LIPJ: variants seen among roughly 807,000 people sequenced by gnomAD.
LIPJ encodes lipase member J.
LIPJ carries 33 observed loss-of-function variants against 39.8 expected under a neutral mutation model. The ratio of observed to expected loss-of-function variants is 0.83; its 90% CI spans 0.63 to 1.11. LIPJ has a LOEUF of 1.11. Among genes scored for constraint, LIPJ ranks in the 50% least tolerant of loss-of-function variants. The pLI is 0.00. For synonymous variants in LIPJ, 128 were observed against 139.2 expected (o/e 0.92, Z 0.57); for missense variants, 422 against 427.9 (o/e 0.99, Z 0.12).
chr10:88,601,093 C>A (rs1350379711), intron 8 of LIPJ, among the ~76,000 whole-genome samples: 1 of 151,936 alleles, frequency 6.6e-6, no homozygotes, highest in Non-Finnish European at 1.5e-5. Context: ...AGACTACCGA[C>A]ACACGCCACC....
At chr10:88,586,603 C>A (rs1708170086), upstream of LIPJ, 1 of 152,090 alleles carries the variant, frequency 6.6e-6, no homozygotes, top group Non-Finnish European at 1.5e-5. Context: ...GCTTTATTTT[C>A]TTCATCTCAA....
At chr10:88,585,242 C>G (rs1480062084), upstream of LIPJ, among the ~76,000 whole-genome samples, 2 of 152,198 alleles carry the variant, frequency 1.3e-5, no homozygotes, top group Non-Finnish European at 2.9e-5. Flanking sequence ...CAAGGGCAGG[C>G]CTTCATGGTC....
At chr10:88,606,136 T>C (rs1851658403) in intron 10 of LIPJ, among the ~76,000 whole-genome samples, 1 of 152,164 alleles carries the variant, frequency 6.6e-6, no homozygotes, top group African/African-American at 2.4e-5. Flanking sequence ...GTAAAAATTG[T>C]ATAAGGACAA....
chr10:88,612,384 C>T, the LIPJ span, among the ~76,000 whole-genome samples: 3 of 151,854 alleles, frequency 2.0e-5, no homozygotes. Context: ...CATTTACATT[C>T]ATAACATTGA....
Position 88,590,677 on chromosome 10 carries a change from C to A in LIPJ, c.-11C>A. ...TTTCAAAATTAAAGATCTGTGAAACCTGAAGCAGATATGAATATTGTAAGT... is the reference window on the plus strand; with the variant it reads ...TTTCAAAATTAAAGATCTGTGAAACATGAAGCAGATATGAATATTGTAAGT... On this transcript the variant is annotated 5_prime_UTR_variant, in exon 3 of 11. It adds an upstream start codon to the 5' untranslated region. Coordinates refer to ENST00000371939, the Ensembl canonical transcript of LIPJ. The A allele has an allele frequency of 6.3e-7, 1 of 1,588,348 alleles. No homozygotes were observed. Among genetic ancestry groups the A allele is most frequent in the Non-Finnish European group, 8.6e-7 (1 of 1,158,966 alleles).
chr10:88,585,529 C>T (rs1850880148), upstream of LIPJ: 1 of 152,130 alleles, frequency 6.6e-6, no homozygotes, highest in Non-Finnish European at 1.5e-5. Context: ...ATGGTAAGGT[C>T]GGAACTTTCT....
At chr10:88,608,817 A>C (rs556874667), downstream of LIPJ, among the ~76,000 whole-genome samples, 3 of 152,146 alleles carry the variant, frequency 2.0e-5, no homozygotes, top group African/African-American at 4.8e-5. Context: ...TGGAAAAAAA[A>C]CTCCAACTCT....
chr10:88,596,301 T>C lies in LIPJ; in HGVS notation c.461T>C (p.Ile154Thr), dbSNP rs1851254020. The C allele has an allele frequency of 2.7e-6, 4 of 1,498,666 alleles. No homozygotes were observed. The East Asian group carries it at 7.2e-5, about 27-fold the overall frequency. 92.8% of individuals were successfully genotyped at this position (1,498,666 alleles called of 1,614,324 possible). Residue 154 changes from isoleucine to threonine, a missense_variant, in exon 7 of 11, where the codon ATA (isoleucine) becomes ACA (threonine). Ile to Thr is a moderately conservative substitution (Grantham distance 89). Transcript: ENST00000371939. ...TTAGGTTTCATAACATTTTCTACTA[T>C]ATCAAAGATAGCTGAAAGAATCAAA... is the stretch of plus-strand genomic sequence containing the variant.
the LIPJ span, among the ~76,000 whole-genome samples, chr10:88,616,736 T>C: frequency 2.0e-5 from 3 of 152,178 alleles, no homozygotes; most frequent in Non-Finnish European, 2.9e-5. Flanking sequence ...GGCTGCCTGC[T>C]CTCTGGCCTG....
exon 5 of LIPJ, chr10:88,594,076 C>G (rs41298235): frequency 6.2e-7 from 1 of 1,612,118 alleles, no homozygotes; most frequent in Middle Eastern, 1.7e-4. Flanking sequence ...TGGGAAATAG[C>G]AGAGGAAATA....
chr10:88,610,680 A>T (rs549298818), downstream of LIPJ, among the ~76,000 whole-genome samples: 8 of 152,332 alleles, frequency 5.3e-5, no homozygotes, highest in South Asian at 2.1e-4. Flanking sequence ...GTATTAGCAT[A>T]AAAAGATGTC....
intron 6 of LIPJ, among the ~76,000 whole-genome samples, chr10:88,595,932 T>G (rs1851238650): frequency 6.6e-6 from 1 of 151,592 alleles, no homozygotes; most frequent in African/African-American, 2.4e-5. Context: ...AATTATAAGA[T>G]TCATCTGTCT....
the LIPJ span, among the ~76,000 whole-genome samples, chr10:88,612,033 T>C: frequency 6.6e-6 from 1 of 152,212 alleles, no homozygotes; most frequent in African/African-American, 2.4e-5. Context: ...TCACATAACC[T>C]ATTAAGGAAA....
chr10:88,593,855 T>C, intron 4 of LIPJ, 91 bp from the exon 5 acceptor site: 1 of 1,059,894 alleles, frequency 9.4e-7, no homozygotes, highest in Non-Finnish European at 1.4e-6. Flanking sequence ...ATCTTTAAAC[T>C]GTCATGTACT....
At chr10:88,606,697 G>A in exon 11 of LIPJ, 2 of 1,611,978 alleles carry the variant, frequency 1.2e-6, no homozygotes, top group Non-Finnish European at 1.7e-6. Flanking sequence ...TATACAACAT[G>A]ACAAACATGA....
chr10:88,583,243 C>G, upstream of LIPJ: 1 of 1,602,942 alleles, frequency 6.2e-7, no homozygotes, highest in South Asian at 1.1e-5. Flanking sequence ...GCCGTTCGGC[C>G]CGGGCTTTCT....
At chr10:88,613,574 TA>T in the LIPJ span, among the ~76,000 whole-genome samples, 7 of 151,676 alleles carry the variant, frequency 4.6e-5, no homozygotes, top group Admixed American at 6.6e-5. Flanking sequence ...GCACAATTGA[TA>T]AACACAATCA....
chr10:88,586,387 C>A (rs955464577), upstream of LIPJ, among the ~76,000 whole-genome samples: 2 of 152,052 alleles, frequency 1.3e-5, no homozygotes, highest in East Asian at 1.9e-4. Flanking sequence ...GGTGAGACAG[C>A]CCCCATGTCT....
At chr10:88,596,150 A>G (rs980218820) in intron 6 of LIPJ, 130 bp from the exon 7 acceptor site, 4 of 580,082 alleles carry the variant, frequency 6.9e-6, no homozygotes, top group Non-Finnish European at 1.1e-5. Flanking sequence ...TGTTTGATAA[A>G]TGAATTAAGA....
Sources: gnomAD v4.1 joint callset for allele counts (sites outside exome capture counted in the v4.1 genomes callset) on GRCh38, gnomAD v4.1.1 for gene constraint, MANE v1.5 for transcripts, NCBI Gene and HGNC (gene_info 2026-07-23, HGNC 2026-07-21) for gene names.